The following DPH5 variants were observed in gnomAD, a reference collection of about 807,000 sequenced individuals.
DPH5 encodes diphthamide biosynthesis 5, also known as diphthine methyl ester synthase.
DPH5 carries 31 observed loss-of-function variants against 31.6 expected under a neutral mutation model. The observed-to-expected ratio is 0.98, with a 90% confidence interval of 0.74 to 1.32. The LOEUF (loss-of-function observed/expected upper bound fraction) is 1.32, where lower values mean the gene tolerates loss of function less well. Among genes scored for constraint, DPH5 ranks in the 40% most tolerant of loss-of-function variants. The pLI is 0.00. For missense variants in DPH5, 309 were observed against 335.7 expected (o/e 0.92, Z 0.62); for synonymous variants, 120 against 115.0 (o/e 1.04, Z -0.28).
At chr1:101,023,237 G>A (rs1660593466) in intron 2 of DPH5, 1 of 151,968 alleles carries the variant, frequency 6.6e-6, no homozygotes, top group Non-Finnish European at 1.5e-5. Context: ...AAAAAGAGTG[G>A]CAGACTTCAA....
At chr1:100,993,833 C>T (rs1011941879) in intron 6 of DPH5, among the ~76,000 whole-genome samples, 19 of 151,638 alleles carry the variant, frequency 1.3e-4, no homozygotes, top group African/African-American at 4.6e-4. Context: ...CCTCTGCCTC[C>T]TGGGTTCAAG....
intron 3 of DPH5, among the ~76,000 whole-genome samples, chr1:101,017,766 CATAAA>C (rs1049998956): frequency 6.6e-6 from 1 of 152,164 alleles, no homozygotes; most frequent in Non-Finnish European, 1.5e-5. Flanking sequence ...TAATCACATA[CATAAA>C]ATAAAACTGG....
intron 3 of DPH5, among the ~76,000 whole-genome samples, chr1:101,015,186 C>T (rs896470340): frequency 6.6e-6 from 1 of 152,188 alleles, no homozygotes; most frequent in Non-Finnish European, 1.5e-5. Flanking sequence ...CCAGACTCAT[C>T]AGAGAAATCA....
Position 101,001,395 on chromosome 1 carries a change from T to G in DPH5, c.490+72A>C. 6 of 1,509,740 alleles carry G rather than the reference T, an allele frequency of 4.0e-6. No homozygotes were observed. In the South Asian group the frequency reaches 5.0e-5, roughly 12 times the overall value. 93.5% of individuals were successfully genotyped at this position (1,509,740 alleles called of 1,614,324 possible). On this transcript the variant is annotated intron_variant, in intron 5 of 7. Transcript: ENST00000370109. Reference sequence around the variant, plus strand: ...CCTCTAGCTAATTATCCACAGACCTTAACACAAAATCAAAATGAGAACAGT... The same window carrying G: ...CCTCTAGCTAATTATCCACAGACCTGAACACAAAATCAAAATGAGAACAGT...
chr1:101,010,015 A>T (rs915502866), intron 4 of DPH5, among the ~76,000 whole-genome samples: 1 of 152,210 alleles, frequency 6.6e-6, no homozygotes, highest in African/African-American at 2.4e-5. Flanking sequence ...GTAGTGACTT[A>T]GTCACTCTCT....
chr1:101,012,378 G>A lies in DPH5; in HGVS notation c.369+1332C>T, dbSNP rs193104040. On this transcript the variant is annotated intron_variant, in intron 4 of 7. Coordinates refer to ENST00000370109, the MANE Select transcript of DPH5 (RefSeq NM_015958.3). ...GGATGAGGAAGGGGCTTTACTGGCC[G>A]AACCAGCAACAGAAACTAAGAACCC... is the stretch of plus-strand genomic sequence containing the variant. 2.0e-4 allele frequency among the ~76,000 whole-genome samples: 31 copies of A among 152,252 alleles called. No homozygotes were observed. The East Asian group carries it at 5.8e-3, about 28-fold the overall frequency.
At chr1:101,003,939 T>C (rs1261206330) in intron 4 of DPH5, among the ~76,000 whole-genome samples, 1 of 152,164 alleles carries the variant, frequency 6.6e-6, no homozygotes, top group Non-Finnish European at 1.5e-5. Flanking sequence ...TATGCAATAA[T>C]ACATACTTTA....
At chr1:101,023,646 C>T (rs1660627496) in intron 2 of DPH5, among the ~76,000 whole-genome samples, 2 of 152,206 alleles carry the variant, frequency 1.3e-5, no homozygotes, top group Non-Finnish European at 2.9e-5. Flanking sequence ...TACATCATCT[C>T]AATAAAACAC....
intron 3 of DPH5, among the ~76,000 whole-genome samples, chr1:101,015,799 G>C (rs968726652): frequency 6.6e-6 from 1 of 152,142 alleles, no homozygotes; most frequent in African/African-American, 2.4e-5. Flanking sequence ...TTATGTTATA[G>C]AGACAACTTT....
chr1:101,014,402 T>A (rs528998108), intron 3 of DPH5, among the ~76,000 whole-genome samples: 47 of 152,378 alleles, frequency 3.1e-4, no homozygotes, highest in African/African-American at 1.1e-3. Context: ...ATAAAAGTTA[T>A]GTTTATACTA....
At chr1:100,995,867 C>T (rs1390787369) in intron 5 of DPH5, 1 of 152,248 alleles carries the variant, frequency 6.6e-6, no homozygotes, top group East Asian at 1.9e-4. Context: ...GCAACAGCAA[C>T]AGCTGCTTCC....
intron 5 of DPH5, chr1:100,995,557 C>A (rs1472627017): frequency 6.4e-6 from 1 of 156,626 alleles, no homozygotes; most frequent in Non-Finnish European, 1.4e-5. Context: ...TTAAAAAAGT[C>A]TTTTGCTTTC....
intron 4 of DPH5, among the ~76,000 whole-genome samples, chr1:101,006,657 C>T (rs1558041555): frequency 6.6e-6 from 1 of 151,834 alleles, no homozygotes; most frequent in Non-Finnish European, 1.5e-5. Context: ...AACAATGAAA[C>T]CAATTAATGC....
chr1:101,021,729 T>C lies in DPH5; in HGVS notation c.172A>G (p.Arg58Gly), dbSNP rs1456803031. 6.2e-7 allele frequency: 1 copy of C among 1,613,742 alleles called. No individual in the cohort carries two copies. The highest frequency in any genetic ancestry group is 8.5e-7 in the Non-Finnish European group (1 of 1,179,870). ...TCTGCTTCTTGTTCCACTTCTTCTC[T>C]ATCAGCAACAACCAATTTTCTTCCA... Reference protein sequence around the residue: ...FYGRKLVVADREEVEQEADNI... With the variant: ...FYGRKLVVADGEEVEQEADNI... The change falls in exon 3 of 8, where the codon AGA (arginine) becomes GGA (glycine). Residue 58 changes from arginine (R) to glycine (G), a missense_variant. By Grantham distance (125) the Arg-to-Gly change is moderately radical. Transcript: ENST00000370109.
chr1:100,990,063 T>G lies in DPH5; in HGVS notation c.*345A>C, dbSNP rs997568850. The G allele has an allele frequency of 9.3e-5, 25 of 269,074 alleles. No individual in the cohort carries two copies. The highest frequency in any genetic ancestry group is 5.0e-4 in the Admixed American group (10 of 20,128). 16.7% of individuals were successfully genotyped at this position (269,074 alleles called of 1,614,324 possible). A position where few individuals can be genotyped will look rare whatever the true frequency, so the allele number is the denominator to read the frequency against. ...CTATGAAGAAATACCCGAGACTGGG[T>G]AATTATAAAAGAGGTTTAATTTTCG... On this transcript the variant is annotated 3_prime_UTR_variant, in exon 8 of 8. Transcript: ENST00000370109.
chr1:100,992,740 C>A lies in DPH5; in HGVS notation c.531G>T (p.Lys177Asn), dbSNP rs1433848179. 1 of 1,608,600 alleles carries A rather than the reference C, an allele frequency of 6.2e-7. No individual in the cohort carries two copies. The highest frequency in any genetic ancestry group is 8.5e-7 in the Non-Finnish European group (1 of 1,175,758). ...VKEQSLENLIKGRKIYEPPRY... is the reference protein window; with the variant it reads ...VKEQSLENLINGRKIYEPPRY... ...GTGGAGGTTCATAGATCTTCCTTCCCCTATAGGCAGAAAACTAGATGCCAC... is the reference window on the plus strand; with the variant it reads ...GTGGAGGTTCATAGATCTTCCTTCCACTATAGGCAGAAAACTAGATGCCAC... Residue 177 changes from lysine to asparagine, a missense_variant and splice_region_variant, in exon 7 of 8, where the codon AAG (lysine) becomes AAT (asparagine). Physicochemically the swap from Lys to Asn is moderately conservative, Grantham distance 94 (BLOSUM62 0). Coordinates refer to ENST00000370109, the MANE Select transcript of DPH5 (RefSeq NM_015958.3).
chr1:101,022,887 T>C (rs1402806775), intron 2 of DPH5: 1 of 152,092 alleles, frequency 6.6e-6, no homozygotes, highest in East Asian at 1.9e-4. Flanking sequence ...CACAGTACAG[T>C]GTAGAGGTCA....
rs1166072941 is a variant in DPH5, at chr1:100,993,564, AT to A, written c.531-825del. On this transcript the variant is annotated intron_variant, in intron 6 of 7. Transcript: ENST00000370109. ...AAGACTCTGTCGAAAATATAAATAT[AT>A]ATATATATATATATATATATATATA... Among the ~76,000 whole-genome samples the A allele has an allele frequency of 2.2e-3, 146 of 67,052 alleles. 4 individuals are homozygous for A. The highest frequency in any genetic ancestry group is 9.0e-3 in the African/African-American group (136 of 15,192). The allele number at this position is 67,052 out of a possible 152,430, so 44.0% of individuals were successfully genotyped here.
chr1:101,015,868 C>T (rs1458285185), intron 3 of DPH5, among the ~76,000 whole-genome samples: 1 of 152,172 alleles, frequency 6.6e-6, no homozygotes, highest in Non-Finnish European at 1.5e-5. Flanking sequence ...CTGCAGCTTC[C>T]TCACCCCTGT....
Sources: gnomAD v4.1 joint callset for allele counts (sites outside exome capture counted in the v4.1 genomes callset) on GRCh38, gnomAD v4.1.1 for gene constraint, MANE v1.5 for transcripts, NCBI Gene and HGNC (gene_info 2026-07-23, HGNC 2026-07-21) for gene names.